The following IVD variants were observed in gnomAD, a reference collection of about 807,000 sequenced individuals.
IVD encodes isovaleryl-CoA dehydrogenase, mitochondrial.
A neutral mutation model predicts 51.3 loss-of-function variants in IVD; 31 were observed. The ratio of observed to expected loss-of-function variants is 0.60; its 90% CI spans 0.45 to 0.81. The LOEUF (loss-of-function observed/expected upper bound fraction) is 0.81, where lower values mean the gene tolerates loss of function less well. IVD is among the 40% of genes least tolerant of loss of function. The pLI, the probability that IVD is intolerant of heterozygous loss-of-function variation, is 0.00. For missense variants in IVD, 475 were observed against 552.0 expected, an observed-to-expected ratio of 0.86 and a Z score of 1.40; for synonymous variants, 205 against 219.4, an observed-to-expected ratio of 0.93 and a Z score of 0.58.
At position 40,418,254 on chromosome 15, in the gene IVD, C is replaced by T; in HGVS notation, c.1263C>T (p.Asp421=). ...TCATCGGCAGAGCCTTCAATGCAGA[C>T]TTTCACTAGTCCTGAGACCCTTCGC... is the stretch of plus-strand genomic sequence containing the variant. ...RLVIGRAFNA[D]FH Residue 421 remains aspartate (D), a synonymous_variant, in exon 12 of 12, where the codon GAC becomes GAT. Coordinates refer to ENST00000487418, the MANE Select transcript of IVD (RefSeq NM_002225.5). 1.9e-6 allele frequency: 3 copies of T among 1,614,146 alleles called. No homozygotes were observed. The highest frequency in any genetic ancestry group is 1.1e-5 in the South Asian group (1 of 91,080).
chr15:40,408,937 G>A (rs1044477949), intron 3 of IVD, among the ~76,000 whole-genome samples: 3 of 151,770 alleles, frequency 2.0e-5, no homozygotes, highest in African/African-American at 2.4e-5. Context: ...GCAACGGAGC[G>A]AAACTCCGTT....
chr15:40,422,474 G>C (rs1892380481), downstream of IVD, among the ~76,000 whole-genome samples: 1 of 150,638 alleles, frequency 6.6e-6, no homozygotes. Flanking sequence ...TAGTAGAGAC[G>C]GGGTTTCGCC....
chr15:40,423,595 G>A (rs1892493405), downstream of IVD, among the ~76,000 whole-genome samples: 1 of 152,096 alleles, frequency 6.6e-6, no homozygotes, highest in African/African-American at 2.4e-5. Flanking sequence ...CCGAGTAGCT[G>A]GGACTACAGG....
rs527894003 is a variant in IVD, at chr15:40,421,242, C to A, written c.*2979C>A. 1.0e-6 allele frequency: 1 copy of A among 985,424 alleles called. No individual in the cohort carries two copies. Among genetic ancestry groups the A allele is most frequent in the Non-Finnish European group, 1.2e-6 (1 of 829,936 alleles). 61.0% of individuals were successfully genotyped at this position (985,424 alleles called of 1,614,324 possible). On this transcript the variant is annotated 3_prime_UTR_variant, in exon 12 of 12. Transcript: ENST00000487418. ...CCCTGTCGACTTGGGGAGGTGATTT[C>A]TTTCCTGGTTCTATATGTGAAGCAA...
At chr15:40,435,797 G>A (rs1038033889), downstream of IVD, 29 of 778,082 alleles carry the variant, frequency 3.7e-5, no homozygotes, top group Middle Eastern at 6.3e-4. Context: ...TGCCCGAAGA[G>A]TGCCTGCTCC....
At chr15:40,435,404 C>G (rs1160706364) in intron 8 of IVD, 4 of 1,126,216 alleles carry the variant, frequency 3.6e-6, no homozygotes, top group Non-Finnish European at 4.5e-6. Flanking sequence ...AAAGAGGGCT[C>G]TCTTTCCCCT....
chr15:40,416,622 G>A (rs962321612), intron 11 of IVD, among the ~76,000 whole-genome samples: 6 of 151,976 alleles, frequency 3.9e-5, no homozygotes, highest in Admixed American at 6.5e-5. Context: ...GCTTGAACCC[G>A]GGAGGCAGAG....
At position 40,414,876 on chromosome 15, in the gene IVD, C is replaced by T. The variant is rs1399398046; in HGVS notation, c.785-13C>T. On this transcript the variant is annotated splice_polypyrimidine_tract_variant and intron_variant, in intron 7 of 11. Transcript: ENST00000487418. ...GACAGCTCTCTCCCTCTGACCAGCACTTATCCTGGCAGCTGCCAACATCCT... is the reference window on the plus strand; with the variant it reads ...GACAGCTCTCTCCCTCTGACCAGCATTTATCCTGGCAGCTGCCAACATCCT... 6.2e-7 allele frequency: 1 copy of T among 1,614,022 alleles called. No individual in the cohort carries two copies. Among genetic ancestry groups the T allele is most frequent in the South Asian group, 1.1e-5 (1 of 91,046 alleles).
chr15:40,431,591 AG>A (rs1892979444), intron 7 of IVD, among the ~76,000 whole-genome samples: 1 of 151,910 alleles, frequency 6.6e-6, no homozygotes, highest in South Asian at 2.1e-4. Flanking sequence ...GCTACTCGGG[AG>A]GCTGAGGCAG....
chr15:40,424,306 C>T (rs1157214900), downstream of IVD: 6 of 728,138 alleles, frequency 8.2e-6, no homozygotes, highest in East Asian at 8.7e-5. Flanking sequence ...GCTGAATGTT[C>T]GTGTTCTTGT....
chr15:40,421,340 A>AG, downstream of IVD: 2 of 985,468 alleles, frequency 2.0e-6, no homozygotes, highest in Non-Finnish European at 2.4e-6. Flanking sequence ...TGGAAGAACA[A>AG]GGGGCACGTC....
At chr15:40,431,181 G>A (rs1056845373) in intron 7 of IVD, among the ~76,000 whole-genome samples, 3 of 145,476 alleles carry the variant, frequency 2.1e-5, no homozygotes, top group Non-Finnish European at 4.5e-5. Flanking sequence ...ACGGGGTCTC[G>A]CTTTATTGCC....
At position 40,417,918 on chromosome 15, in the gene IVD, G is replaced by A. The variant is rs937196093; in HGVS notation, c.1139-212G>A. Among the ~76,000 whole-genome samples, 6 of 152,240 alleles carry A rather than the reference G, an allele frequency of 3.9e-5. No homozygotes were observed. Among genetic ancestry groups the A allele is most frequent in the East Asian group, 1.9e-4 (1 of 5,178 alleles). ...ATATATGGGGTTCGGTACTATCTAC[G>A]GTTTCAGGCATCCACTGGGGTCTTG... is the stretch of plus-strand genomic sequence containing the variant. On this transcript the variant is annotated intron_variant, in intron 11 of 11. Coordinates refer to ENST00000487418, the MANE Select transcript of IVD (RefSeq NM_002225.5).
intron 7 of IVD, among the ~76,000 whole-genome samples, chr15:40,413,685 TTG>T (rs869068461): frequency 5.2e-4 from 78 of 149,828 alleles, no homozygotes; most frequent in African/African-American, 1.8e-3. Flanking sequence ...TTTTTTTTGT[TTG>T]TTTGTTTGTT....
rs1252797185 is a variant in IVD at position 40,420,003 on chromosome 15, C to CT, written c.*1741dup. 13 of 374,972 alleles carry CT rather than the reference C, an allele frequency of 3.5e-5. 1 individual carries two copies. Among genetic ancestry groups the CT allele is most frequent in the Admixed American group, 6.4e-5 (1 of 15,548 alleles). The allele number at this position is 374,972 out of a possible 1,614,324, so 23.2% of individuals were successfully genotyped here. On this transcript the variant is annotated 3_prime_UTR_variant, in exon 12 of 12. Coordinates refer to ENST00000487418, the MANE Select transcript of IVD (RefSeq NM_002225.5). ...CCTGTAATCCCAGTTACACAGAAGA[C>CT]TGAGGCAGGAGAATCGCTTGAACGC... is the stretch of plus-strand genomic sequence containing the variant.
rs776981120 is a variant in IVD at position 40,413,061 on chromosome 15, T to C, written c.758T>C (p.Leu253Pro). 6.2e-7 allele frequency: 1 copy of C among 1,613,962 alleles called. No homozygotes were observed. ...LGMRGSNTCE[L>P]IFEDCKIPAA... ...ATGAGGGGCTCTAACACCTGTGAGC[T>C]AATCTTTGAAGACTGCAAGATTCCT... Residue 253 changes from leucine to proline, a missense_variant, in exon 7 of 12, where the codon CTA becomes CCA. Physicochemically the swap from Leu to Pro is moderately conservative, Grantham distance 98 (BLOSUM62 -3). Coordinates refer to ENST00000487418, the MANE Select transcript of IVD (RefSeq NM_002225.5).
chr15:40,414,839 G>A (rs1371192087), intron 7 of IVD, 50 bp from the exon 8 acceptor site: 1 of 1,610,558 alleles, frequency 6.2e-7, no homozygotes, highest in Non-Finnish European at 8.5e-7. Flanking sequence ...TGATAAAAGT[G>A]AGGAGGCTGT....
Position 40,420,195 on chromosome 15 carries a change from G to A in IVD, c.*1932G>A. 1 of 986,004 alleles carries A rather than the reference G, an allele frequency of 1.0e-6. No individual in the cohort carries two copies. Among genetic ancestry groups the A allele is most frequent in the Non-Finnish European group, 1.2e-6 (1 of 830,140 alleles). 61.1% of individuals were successfully genotyped at this position (986,004 alleles called of 1,614,324 possible). On this transcript the variant is annotated 3_prime_UTR_variant, in exon 12 of 12. Transcript: ENST00000487418. ...AGCGTGCTTTTGTGTACTGTTGGAAGACTGGCTCCTCCTGTACAGCACCTC... is the reference window on the plus strand; with the variant it reads ...AGCGTGCTTTTGTGTACTGTTGGAAAACTGGCTCCTCCTGTACAGCACCTC...
At chr15:40,423,076 C>G (rs1892455850), downstream of IVD, among the ~76,000 whole-genome samples, 1 of 149,862 alleles carries the variant, frequency 6.7e-6, no homozygotes, top group Non-Finnish European at 1.5e-5. Context: ...GTAGCTGGAA[C>G]TAGAGGTGTG....
Sources: gnomAD v4.1 joint callset for allele counts (sites outside exome capture counted in the v4.1 genomes callset) on GRCh38, gnomAD v4.1.1 for gene constraint, MANE v1.5 for transcripts, NCBI Gene and HGNC (gene_info 2026-07-23, HGNC 2026-07-21) for gene names.